CLIP1: variants seen among roughly 807,000 people sequenced by gnomAD.
CLIP1 encodes the protein CAP-Gly domain containing linker protein 1.
In CLIP1, 66 loss-of-function variants were observed where a neutral mutation model predicts 161.6. The ratio of observed to expected loss-of-function variants is 0.41; its 90% CI spans 0.33 to 0.50. The LOEUF (loss-of-function observed/expected upper bound fraction) is 0.50, where lower values mean the gene tolerates loss of function less well. CLIP1 is among the 20% of genes least tolerant of loss of function. CLIP1 has a pLI of 0.27. For synonymous variants in CLIP1, 598 were observed against 626.2 expected (o/e 0.96, Z 0.67); for missense variants, 1,376 against 1,702.0 (o/e 0.81, Z 3.37).
At chr12:122,345,815 C>T (rs1005934358) in intron 10 of CLIP1, among the ~76,000 whole-genome samples, 5 of 149,046 alleles carry the variant, frequency 3.4e-5, no homozygotes, top group Admixed American at 2.0e-4. Flanking sequence ...GACAGAGTTT[C>T]GCTCTTGTTG....
At chr12:122,325,916 G>A (rs1951696629) in intron 17 of CLIP1, among the ~76,000 whole-genome samples, 1 of 152,216 alleles carries the variant, frequency 6.6e-6, no homozygotes, top group Admixed American at 6.5e-5. Flanking sequence ...GCCTCCCAAA[G>A]TGCTAGGATT....
chr12:122,347,961 T>C (rs1406739351), intron 9 of CLIP1, among the ~76,000 whole-genome samples: 1 of 152,190 alleles, frequency 6.6e-6, no homozygotes, highest in Admixed American at 6.5e-5. Flanking sequence ...AAAGGTATTA[T>C]AAATCTTAAA....
chr12:122,326,330 C>A (rs112518371), intron 17 of CLIP1, among the ~76,000 whole-genome samples: 2 of 149,064 alleles, frequency 1.3e-5, no homozygotes, highest in Admixed American at 1.3e-4. Flanking sequence ...ACGCCTGCAA[C>A]CCCAGCGCCT....
Position 122,341,546 on chromosome 12 carries a change from C to T in CLIP1, c.1658G>A (p.Ser553Asn), listed in dbSNP as rs903199739. ...GACTTCTAACTTTTCTTGCAAAGAG[C>T]TTATCTCTTGCAAAAGGGAAAGTGA... Reference protein sequence around the residue: ...DMSLSLLQEISSLQEKLEVTR... With the variant: ...DMSLSLLQEINSLQEKLEVTR... The change falls in exon 11 of 26, where the codon AGC becomes AAC. Residue 553 changes from serine to asparagine, a missense_variant. Ser to Asn is a conservative substitution (Grantham distance 46). This residue lies in a region of CLIP1 where 948 missense variants were observed against 1,134.8 expected (regional missense o/e 0.84). Transcript: ENST00000620786. The T allele has an allele frequency of 6.2e-6, 10 of 1,614,036 alleles. No individual in the cohort carries two copies. Among genetic ancestry groups the T allele is most frequent in the Non-Finnish European group, 8.5e-6 (10 of 1,179,998 alleles).
intron 15 of CLIP1, among the ~76,000 whole-genome samples, 182 bp from the exon 16 acceptor site, chr12:122,328,608 G>A (rs1283579230): frequency 2.0e-5 from 3 of 151,822 alleles, no homozygotes; most frequent in Non-Finnish European, 4.4e-5. Flanking sequence ...TTGGGGGGGC[G>A]GAGTCTCGCT....
At chr12:122,290,014 C>T (rs1411844241) in intron 20 of CLIP1, among the ~76,000 whole-genome samples, 1 of 152,046 alleles carries the variant, frequency 6.6e-6, no homozygotes, top group Non-Finnish European at 1.5e-5. Flanking sequence ...GCCATGTTGG[C>T]CAGGCTGCAC....
At chr12:122,317,004 G>A in intron 18 of CLIP1, 149 bp from the exon 19 acceptor site, 1 of 579,140 alleles carries the variant, frequency 1.7e-6, no homozygotes. Context: ...AGAGATTACA[G>A]ATGACAAGTC....
intron 1 of CLIP1, among the ~76,000 whole-genome samples, chr12:122,410,458 CTTTTTT>C (rs34639257): frequency 8.4e-6 from 1 of 119,514 alleles, no homozygotes; most frequent in Non-Finnish European, 1.8e-5. Flanking sequence ...CACACACACA[CTTTTTT>C]TTTTTTTTTT....
At chr12:122,331,022 T>A (rs1422727215) in intron 15 of CLIP1, among the ~76,000 whole-genome samples, 1 of 148,524 alleles carries the variant, frequency 6.7e-6, no homozygotes, top group Non-Finnish European at 1.5e-5. Flanking sequence ...TATTTATTTA[T>A]TTTTTTTTTG....
At chr12:122,321,842 T>G (rs563733461) in intron 17 of CLIP1, among the ~76,000 whole-genome samples, 1 of 152,318 alleles carries the variant, frequency 6.6e-6, no homozygotes, top group Non-Finnish European at 1.5e-5. Flanking sequence ...GCTCTTAAGC[T>G]TTTTCATAAA....
chr12:122,390,290 A>ATGTATATATG (rs1566214760), intron 1 of CLIP1, among the ~76,000 whole-genome samples: 14 of 132,540 alleles, frequency 1.1e-4, no homozygotes, highest in African/African-American at 2.5e-4. Context: ...ATATATATAT[A>ATGTATATATG]TATATATATA....
In CLIP1 at chr12:122,404,616, G is replaced by T. The variant is rs1342456572; in HGVS notation, c.-107+17905C>A. On this transcript the variant is annotated intron_variant, in intron 1 of 25. Coordinates refer to ENST00000620786, the MANE Select transcript of CLIP1 (RefSeq NM_001247997.2). ...CTCCATCTGAAAACAAAAAACAAAGGCCAGGTACAGTGGCTCACGCCTGTA... is the reference window on the plus strand; with the variant it reads ...CTCCATCTGAAAACAAAAAACAAAGTCCAGGTACAGTGGCTCACGCCTGTA... Among the ~76,000 whole-genome samples the T allele has an allele frequency of 4.8e-5, 7 of 145,214 alleles. No individual in the cohort carries two copies. The Admixed American group carries it at 4.9e-4, about 10-fold the overall frequency.
At chr12:122,318,586 C>T (rs1000639700) in intron 18 of CLIP1, among the ~76,000 whole-genome samples, 20 of 152,116 alleles carry the variant, frequency 1.3e-4, no homozygotes, top group Admixed American at 1.2e-3. Context: ...AAAAAAGCAT[C>T]TGAAGTTCCA....
chr12:122,370,756 G>A (rs997521725), intron 3 of CLIP1, among the ~76,000 whole-genome samples: 6 of 151,890 alleles, frequency 4.0e-5, no homozygotes, highest in African/African-American at 9.7e-5. Flanking sequence ...CTTAATCTCC[G>A]CTTCTGAAAG....
intron 1 of CLIP1, among the ~76,000 whole-genome samples, chr12:122,384,970 G>A (rs1223669529): frequency 5.6e-5 from 8 of 143,658 alleles, no homozygotes; most frequent in African/African-American, 7.8e-5. Context: ...GTCTCGCTCT[G>A]TCGCCAGTCT....
intron 1 of CLIP1, among the ~76,000 whole-genome samples, chr12:122,388,852 G>A (rs1385889267): frequency 1.3e-5 from 2 of 152,144 alleles, no homozygotes; most frequent in Non-Finnish European, 2.9e-5. Flanking sequence ...TGGGGTCATA[G>A]GCATGAACAA....
At chr12:122,348,926 CAAGAGGTCACTTTGCT>C (rs1952883009) in intron 9 of CLIP1, among the ~76,000 whole-genome samples, 3 of 152,158 alleles carry the variant, frequency 2.0e-5, no homozygotes, top group African/African-American at 7.2e-5. Context: ...TCAATACATT[CAAGAGGTCACTTTGCT>C]TGTAAACCAG....
At chr12:122,373,812 C>T (rs1305738759) in intron 3 of CLIP1, among the ~76,000 whole-genome samples, 1 of 152,028 alleles carries the variant, frequency 6.6e-6, no homozygotes, top group South Asian at 2.1e-4. Flanking sequence ...CTACAATCTA[C>T]GAAAGCATAT....
chr12:122,391,196 G>A (rs541001891), intron 1 of CLIP1, among the ~76,000 whole-genome samples: 1 of 152,276 alleles, frequency 6.6e-6, no homozygotes, highest in African/African-American at 2.4e-5. Flanking sequence ...GCTGAGGCAG[G>A]AGGAATGCTT....
Sources: allele counts gnomAD v4.1 joint callset (sites outside exome capture counted in the v4.1 genomes callset), GRCh38; gene constraint gnomAD v4.1.1; regional missense constraint gnomAD v4.1.1; transcripts MANE v1.5; gene names NCBI Gene and HGNC (gene_info 2026-07-23, HGNC 2026-07-21).